The following ARHGAP24 variants were observed in gnomAD, a reference collection of about 807,000 sequenced individuals.
The protein encoded by ARHGAP24 is rho GTPase-activating protein 24.
A neutral mutation model predicts 76.4 loss-of-function variants in ARHGAP24; 50 were observed. The ratio of observed to expected loss-of-function variants is 0.65; its 90% CI spans 0.52 to 0.83. The LOEUF is 0.83. ARHGAP24 is among the 40% of genes least tolerant of loss of function. The probability of loss-of-function intolerance (pLI) is 0.00; values close to 1 mark genes in which losing one functional copy is unlikely to be tolerated. For missense variants in ARHGAP24, 930 were observed against 914.2 expected (o/e 1.02, Z -0.22); for synonymous variants, 345 against 323.3 (o/e 1.07, Z -0.72).
chr4:85,847,476 C>G (rs984989813), intron 3 of ARHGAP24, among the ~76,000 whole-genome samples: 2 of 151,920 alleles, frequency 1.3e-5, no homozygotes, highest in Non-Finnish European at 1.5e-5. Context: ...ATAGATATAG[C>G]AGAATAAAGG....
At chr4:85,930,796 T>A in intron 4 of ARHGAP24, 1 of 1,487,408 alleles carries the variant, frequency 6.7e-7, no homozygotes, top group Non-Finnish European at 9.0e-7. Flanking sequence ...ACCTGGATGA[T>A]CAAAACCTTC....
chr4:85,565,056 G>A (rs916428354), intron 1 of ARHGAP24, among the ~76,000 whole-genome samples: 14 of 148,900 alleles, frequency 9.4e-5, no homozygotes, highest in Non-Finnish European at 1.8e-4. Flanking sequence ...TGCGCATGCT[G>A]TCTCATTTCT....
intron 2 of ARHGAP24, among the ~76,000 whole-genome samples, chr4:85,703,017 T>C (rs1014519364): frequency 4.0e-5 from 6 of 148,684 alleles, no homozygotes; most frequent in Admixed American, 6.8e-5. Flanking sequence ...AATTTACTTG[T>C]GGGAAAGAAT....
chr4:85,964,608 A>T (rs1014423289), intron 5 of ARHGAP24, among the ~76,000 whole-genome samples: 3 of 152,094 alleles, frequency 2.0e-5, no homozygotes, highest in African/African-American at 7.2e-5. Context: ...AAGGCAAGTA[A>T]GGTGTCAAAG....
intron 3 of ARHGAP24, among the ~76,000 whole-genome samples, chr4:85,832,860 G>A (rs996544858): frequency 7.9e-5 from 12 of 152,160 alleles, no homozygotes; most frequent in Non-Finnish European, 1.8e-4. Flanking sequence ...GGCAGGGGTA[G>A]AAATAGTGTC....
intron 3 of ARHGAP24, among the ~76,000 whole-genome samples, chr4:85,881,596 C>T (rs569094793): frequency 1.2e-4 from 18 of 151,626 alleles, no homozygotes; most frequent in Admixed American, 7.2e-4. Flanking sequence ...TGCAAGTTAG[C>T]GATGCTTGTC....
At chr4:85,997,542 T>C (rs760055379) in intron 9 of ARHGAP24, among the ~76,000 whole-genome samples, 5 of 152,200 alleles carry the variant, frequency 3.3e-5, no homozygotes, top group Non-Finnish European at 7.3e-5. Flanking sequence ...GGTAGACAGA[T>C]AGATAATATT....
At chr4:85,958,235 A>G (rs1738038554) in intron 5 of ARHGAP24, among the ~76,000 whole-genome samples, 1 of 152,208 alleles carries the variant, frequency 6.6e-6, no homozygotes, top group South Asian at 2.1e-4. Flanking sequence ...CATAATGTCT[A>G]ATCTCACAGG....
intron 3 of ARHGAP24, among the ~76,000 whole-genome samples, chr4:85,891,038 T>C (rs913173327): frequency 5.3e-5 from 8 of 152,100 alleles, no homozygotes; most frequent in African/African-American, 1.9e-4. Context: ...GCTGTAGTGA[T>C]CAGGGTGAGA....
intron 3 of ARHGAP24, among the ~76,000 whole-genome samples, chr4:85,890,025 A>G (rs756620478): frequency 4.6e-5 from 7 of 152,116 alleles, no homozygotes; most frequent in Non-Finnish European, 1.0e-4. Flanking sequence ...TGATGTATAT[A>G]TAGTTTCCTT....
chr4:85,907,996 G>C (rs1352799061), intron 3 of ARHGAP24, among the ~76,000 whole-genome samples: 2 of 152,124 alleles, frequency 1.3e-5, no homozygotes, highest in African/African-American at 4.8e-5. Flanking sequence ...ATGTAAGCTG[G>C]AGGAAGTTCA....
At chr4:85,627,689 A>G (rs903712602) in intron 2 of ARHGAP24, among the ~76,000 whole-genome samples, 1 of 152,222 alleles carries the variant, frequency 6.6e-6, no homozygotes, top group Non-Finnish European at 1.5e-5. Context: ...AGACGCAGGC[A>G]GGCCTCCTTG....
chr4:85,734,432 C>A (rs916371221), intron 3 of ARHGAP24, among the ~76,000 whole-genome samples: 1 of 152,030 alleles, frequency 6.6e-6, no homozygotes, highest in Admixed American at 6.6e-5. Context: ...AAGTGGTACA[C>A]CAATGCTTTA....
chr4:85,616,924 A>G (rs1207378521), intron 2 of ARHGAP24, among the ~76,000 whole-genome samples: 2 of 152,030 alleles, frequency 1.3e-5, no homozygotes, highest in African/African-American at 4.8e-5. Context: ...CGGCATGCCC[A>G]GCGGCTTCCT....
At chr4:85,833,536 T>C (rs939372409) in intron 3 of ARHGAP24, among the ~76,000 whole-genome samples, 2 of 152,066 alleles carry the variant, frequency 1.3e-5, no homozygotes, top group African/African-American at 4.8e-5. Context: ...TTTCTCAGAC[T>C]GGCAGGCTGT....
At chr4:85,488,235 A>G (rs1173369487) in intron 1 of ARHGAP24, among the ~76,000 whole-genome samples, 1 of 151,720 alleles carries the variant, frequency 6.6e-6, no homozygotes, top group Non-Finnish European at 1.5e-5. Flanking sequence ...TTTTTTTGCT[A>G]AACCTGGGTC....
At chr4:85,664,666 C>T (rs865908605) in intron 2 of ARHGAP24, among the ~76,000 whole-genome samples, 2 of 150,614 alleles carry the variant, frequency 1.3e-5, no homozygotes, top group African/African-American at 4.9e-5. Flanking sequence ...ATAAATTTCC[C>T]TCTACACACT....
chr4:85,488,109 T>G (rs983928469), intron 1 of ARHGAP24, among the ~76,000 whole-genome samples: 1 of 151,384 alleles, frequency 6.6e-6, no homozygotes, highest in Non-Finnish European at 1.5e-5. Context: ...CTACTGCTTC[T>G]GTTCAGCTGT....
chr4:85,575,230 C>A (rs1231727334), intron 2 of ARHGAP24, among the ~76,000 whole-genome samples: 1 of 151,996 alleles, frequency 6.6e-6, no homozygotes, highest in Non-Finnish European at 1.5e-5. Context: ...TTATCCAGAG[C>A]ATATTTAAAA....
Sources: allele counts gnomAD v4.1 joint callset (sites outside exome capture counted in the v4.1 genomes callset), GRCh38; gene constraint gnomAD v4.1.1; transcripts MANE v1.5; gene names NCBI Gene and HGNC (gene_info 2026-07-23, HGNC 2026-07-21).